The following CHCHD6 variants were observed in gnomAD, a reference collection of about 807,000 sequenced individuals.
CHCHD6 encodes MICOS complex subunit MIC25.
CHCHD6 carries 28 observed loss-of-function variants against 32.3 expected under a neutral mutation model. That is an observed-to-expected ratio of 0.87 (90% CI 0.64 to 1.19). CHCHD6 has a LOEUF of 1.19. Among genes scored for constraint, CHCHD6 ranks in the 50% most tolerant of loss-of-function variants. CHCHD6 has a pLI of 0.00. For missense variants in CHCHD6, 333 were observed against 307.0 expected (o/e 1.08, Z -0.63); for synonymous variants, 122 against 117.5 (o/e 1.04, Z -0.25).
chr3:126,709,635 A>G (rs796776685), intron 1 of CHCHD6, among the ~76,000 whole-genome samples: 28 of 152,284 alleles, frequency 1.8e-4, no homozygotes, highest in African/African-American at 6.5e-4. Context: ...TGGGATTCCA[A>G]TTTCTTCATA....
intron 6 of CHCHD6, among the ~76,000 whole-genome samples, chr3:126,941,239 A>G (rs1346930896): frequency 6.6e-6 from 1 of 152,172 alleles, no homozygotes; most frequent in Non-Finnish European, 1.5e-5. Context: ...ATCTGCTTTC[A>G]TTTTATTTTT....
intron 4 of CHCHD6, chr3:126,766,964 C>A: frequency 1.0e-6 from 1 of 967,618 alleles, no homozygotes. Context: ...GAGTCCAGGA[C>A]CAGTGTGTGG....
intron 5 of CHCHD6, among the ~76,000 whole-genome samples, chr3:126,858,269 A>T (rs1941731081): frequency 1.0e-5 from 1 of 97,370 alleles, no homozygotes; most frequent in Admixed American, 1.5e-4. Flanking sequence ...TGGGGGCAGC[A>T]GTGACTAGCA....
chr3:126,756,774 CAG>C (rs1936971040), intron 4 of CHCHD6, among the ~76,000 whole-genome samples: 1 of 152,182 alleles, frequency 6.6e-6, no homozygotes, highest in Admixed American at 6.5e-5. Context: ...TACAGCAGAA[CAG>C]AACAAAGCTC....
At chr3:126,743,289 C>T (rs1009518908) in intron 4 of CHCHD6, among the ~76,000 whole-genome samples, 2 of 152,104 alleles carry the variant, frequency 1.3e-5, no homozygotes, top group Admixed American at 6.5e-5. Flanking sequence ...TGGAAGGACA[C>T]GTGGGTTTTG....
intron 4 of CHCHD6, among the ~76,000 whole-genome samples, chr3:126,764,738 C>T (rs1937295583): frequency 6.6e-6 from 1 of 152,192 alleles, no homozygotes; most frequent in Admixed American, 6.5e-5. Flanking sequence ...GCCTGGGTTG[C>T]GTTCCAGGAA....
chr3:126,863,797 TCC>T (rs1942085755), intron 5 of CHCHD6, among the ~76,000 whole-genome samples: 1 of 132,726 alleles, frequency 7.5e-6, no homozygotes, highest in Non-Finnish European at 1.6e-5. Flanking sequence ...CACCTTCTCC[TCC>T]TCTACCATCA....
chr3:126,830,698 T>G (rs1265035727), intron 4 of CHCHD6, among the ~76,000 whole-genome samples: 3 of 152,240 alleles, frequency 2.0e-5, no homozygotes, highest in Admixed American at 1.3e-4. Context: ...TTTCTTATCC[T>G]CATCTCTTGC....
rs557587959 is a variant in CHCHD6, at chr3:126,957,494, G to A, written c.645G>A (p.Val215=). 4.3e-5 allele frequency: 69 copies of A among 1,601,176 alleles called. No individual in the cohort carries two copies. In the East Asian group the frequency reaches 1.2e-3, roughly 28 times the overall value. The change falls in exon 7 of 8, where the codon GTG becomes GTA. Residue 215 remains valine, a synonymous_variant. Coordinates refer to ENST00000290913, the MANE Select transcript of CHCHD6 (RefSeq NM_032343.3). Reference sequence around the variant, plus strand: ...GCTACCGAGATCGCCCGCATGAGGTGCTGCTGTGCTCGGACCTGGTCAAGG... The same window carrying A: ...GCTACCGAGATCGCCCGCATGAGGTACTGCTGTGCTCGGACCTGGTCAAGG... ...LHCYRDRPHE[V]LLCSDLVKAY...
intron 7 of CHCHD6, among the ~76,000 whole-genome samples, chr3:126,958,958 A>G (rs1366350056): frequency 6.6e-6 from 1 of 152,082 alleles, no homozygotes; most frequent in African/African-American, 2.4e-5. Flanking sequence ...TCACACACCT[A>G]ACTCTTTACC....
intron 5 of CHCHD6, among the ~76,000 whole-genome samples, chr3:126,897,473 G>A (rs975973358): frequency 2.6e-4 from 40 of 152,172 alleles, no homozygotes; most frequent in Admixed American, 5.2e-4. Flanking sequence ...TCCTGTGCCT[G>A]TTCCTTACTA....
At chr3:126,916,165 C>T (rs2078167096) in intron 6 of CHCHD6, among the ~76,000 whole-genome samples, 1 of 152,020 alleles carries the variant, frequency 6.6e-6, no homozygotes, top group Admixed American at 6.5e-5. Context: ...CTTTGGGAGG[C>T]CGAGGTGGGC....
At chr3:126,868,165 G>T (rs1942351660) in intron 5 of CHCHD6, among the ~76,000 whole-genome samples, 1 of 152,214 alleles carries the variant, frequency 6.6e-6, no homozygotes. Context: ...ACCTAACTCA[G>T]TTTCCCCCTA....
chr3:126,772,904 C>CAGA lies in CHCHD6; in HGVS notation c.411+39682_411+39683insAGA, dbSNP rs1937569374. Among the ~76,000 whole-genome samples, 3 of 152,280 alleles carry CAGA rather than the reference C, an allele frequency of 2.0e-5. No individual in the cohort carries two copies. The South Asian group carries it at 6.2e-4, about 32-fold the overall frequency. ...CAATATTTGGTGCTCCTTTCAGGAC[C>CAGA]TCTGGTAAGGCAGTTCTAGTGGTAA... On this transcript the variant is annotated intron_variant, in intron 4 of 7. Coordinates refer to ENST00000290913, the MANE Select transcript of CHCHD6 (RefSeq NM_032343.3).
At chr3:126,711,745 AC>A (rs1196111141) in intron 1 of CHCHD6, among the ~76,000 whole-genome samples, 2 of 152,224 alleles carry the variant, frequency 1.3e-5, no homozygotes, top group East Asian at 3.8e-4. Flanking sequence ...TGTAAAGCTC[AC>A]CTGGCTGTTT....
intron 1 of CHCHD6, among the ~76,000 whole-genome samples, chr3:126,715,113 G>A (rs572417922): frequency 1.3e-5 from 2 of 152,238 alleles, no homozygotes; most frequent in East Asian, 1.9e-4. Context: ...TAAAGCAGTC[G>A]GTGGAGGAAG....
At chr3:126,927,090 C>A (rs1329713626) in intron 6 of CHCHD6, among the ~76,000 whole-genome samples, 1 of 152,112 alleles carries the variant, frequency 6.6e-6, no homozygotes, top group South Asian at 2.1e-4. Context: ...GACATTCAAG[C>A]AGAACTGAGC....
chr3:126,815,324 G>A (rs1290204496), intron 4 of CHCHD6, among the ~76,000 whole-genome samples: 3 of 152,148 alleles, frequency 2.0e-5, no homozygotes, highest in Non-Finnish European at 4.4e-5. Flanking sequence ...GTCTTCCCAT[G>A]GTTCCAGCCA....
chr3:126,766,334 C>G, intron 4 of CHCHD6: 1 of 407,964 alleles, frequency 2.5e-6, no homozygotes, highest in South Asian at 2.3e-5. Context: ...CTTAGGTCAG[C>G]TTTTGCTTTT....
Sources: gnomAD v4.1 joint callset for allele counts (sites outside exome capture counted in the v4.1 genomes callset) on GRCh38, gnomAD v4.1.1 for gene constraint, MANE v1.5 for transcripts, NCBI Gene and HGNC (gene_info 2026-07-23, HGNC 2026-07-21) for gene names.